JAZF1: variants seen among roughly 807,000 people sequenced by gnomAD.
The protein encoded by JAZF1 is juxtaposed with another zinc finger protein 1.
Under a neutral mutation model 26.4 loss-of-function variants are expected in JAZF1, and 8 were observed. That is an observed-to-expected ratio of 0.30 (90% CI 0.18 to 0.55). JAZF1 has a LOEUF of 0.55. JAZF1 is among the 20% of genes least tolerant of loss of function. The probability of loss-of-function intolerance (pLI) is 0.94; values close to 1 mark genes in which losing one functional copy is unlikely to be tolerated. For missense variants in JAZF1, 199 were observed against 322.0 expected (o/e 0.62, Z 2.92); for synonymous variants, 126 against 122.3 (o/e 1.03, Z -0.20).
chr7:27,894,866 C>A (rs1460504513), intron 3 of JAZF1, among the ~76,000 whole-genome samples: 1 of 152,226 alleles, frequency 6.6e-6, no homozygotes, highest in Admixed American at 6.5e-5. Flanking sequence ...ATTATTTTAA[C>A]TGTTTTACAA....
chr7:27,868,359 C>T lies in JAZF1; in HGVS notation c.385+26861G>A, dbSNP rs144609333. On this transcript the variant is annotated intron_variant, in intron 3 of 4. Coordinates refer to ENST00000283928, the MANE Select transcript of JAZF1 (RefSeq NM_175061.4). ...GCCTGCTCCTGCAGATGCCGTTCCC[C>T]GGTCCTCACCGCAACTCCCTGTGGG... 3.2e-4 allele frequency among the ~76,000 whole-genome samples: 48 copies of T among 152,314 alleles called. 1 individual carries two copies. In the East Asian group the frequency reaches 7.5e-3, roughly 24 times the overall value.
intron 3 of JAZF1, among the ~76,000 whole-genome samples, chr7:27,887,142 G>A (rs113153762): frequency 0.016 from 2,453 of 152,162 alleles, 32 homozygotes; most frequent in Non-Finnish European, 0.027. Context: ...AGGGTGGGAG[G>A]AGGGAGAGGA....
At chr7:28,047,787 C>T (rs1309692473) in intron 1 of JAZF1, among the ~76,000 whole-genome samples, 2 of 152,128 alleles carry the variant, frequency 1.3e-5, no homozygotes, top group African/African-American at 4.8e-5. Flanking sequence ...ATTGGACTAT[C>T]CTTGCTTTCC....
At chr7:28,109,426 T>C (rs889220796) in intron 1 of JAZF1, among the ~76,000 whole-genome samples, 36 of 152,366 alleles carry the variant, frequency 2.4e-4, no homozygotes, top group African/African-American at 8.7e-4. Context: ...CCTATCCTCT[T>C]CCTTATTCAG....
chr7:27,986,865 C>T (rs1188551421), intron 2 of JAZF1, among the ~76,000 whole-genome samples: 3 of 152,158 alleles, frequency 2.0e-5, no homozygotes, highest in Non-Finnish European at 2.9e-5. Context: ...CCGTGTTGGC[C>T]GGGCTGGTCT....
In JAZF1 at chr7:27,846,450, C is replaced by G. The variant is rs975788851; in HGVS notation, c.386-5583G>C. 2.2e-4 allele frequency: 101 copies of G among 469,406 alleles called. 1 individual carries two copies. The Admixed American group carries it at 2.4e-3, about 11-fold the overall frequency. 29.1% of individuals were successfully genotyped at this position (469,406 alleles called of 1,614,324 possible). A position where few individuals can be genotyped will look rare whatever the true frequency, so the allele number is the denominator to read the frequency against. ...ACACACAGATTCTTGGTGCATTCAT[C>G]CACCGATGGACAAGTTGGTTGTTTC... On this transcript the variant is annotated intron_variant, in intron 3 of 4. Coordinates refer to ENST00000283928, the MANE Select transcript of JAZF1 (RefSeq NM_175061.4).
chr7:27,844,488 C>T (rs996758066), intron 3 of JAZF1: 1 of 152,216 alleles, frequency 6.6e-6, no homozygotes, highest in East Asian at 1.9e-4. Context: ...GGTAGCAAAG[C>T]TGCTTCTCCT....
rs187433156 is a variant in JAZF1 at position 28,035,307 on chromosome 7, C to T, written c.116-43326G>A. Among the ~76,000 whole-genome samples the T allele has an allele frequency of 5.9e-3, 236 of 39,900 alleles. 1 individual carries two copies. Among genetic ancestry groups the T allele is most frequent in the Non-Finnish European group, 8.4e-3 (146 of 17,328 alleles). 26.2% of individuals were successfully genotyped at this position (39,900 alleles called of 152,430 possible). On this transcript the variant is annotated intron_variant, in intron 1 of 4. Transcript: ENST00000283928. ...CCAGCCTGGGCGACAAAGTGAGACT[C>T]CATCTCAAAAAAAAAAAAAAAAAAA...
At chr7:28,077,442 T>C (rs1784069522) in intron 1 of JAZF1, among the ~76,000 whole-genome samples, 1 of 152,148 alleles carries the variant, frequency 6.6e-6, no homozygotes, top group East Asian at 1.9e-4. Flanking sequence ...ATACCGACTC[T>C]GGTTTTAGAT....
At chr7:28,022,478 G>A (rs945481122) in intron 1 of JAZF1, among the ~76,000 whole-genome samples, 33 of 152,300 alleles carry the variant, frequency 2.2e-4, no homozygotes, top group Admixed American at 7.8e-4. Flanking sequence ...TCTGACACTA[G>A]GGGAAGAAAA....
intron 2 of JAZF1, among the ~76,000 whole-genome samples, chr7:27,919,947 T>C (rs1388734801): frequency 6.6e-6 from 1 of 152,166 alleles, no homozygotes; most frequent in Non-Finnish European, 1.5e-5. Flanking sequence ...TATTACTGCT[T>C]GCACCTTGGA....
chr7:27,964,127 T>C (rs575547214), intron 2 of JAZF1, among the ~76,000 whole-genome samples: 12 of 152,288 alleles, frequency 7.9e-5, no homozygotes, highest in Middle Eastern at 6.8e-3. Context: ...AATATTATCA[T>C]CCAAAACACA....
chr7:27,865,669 G>A (rs148842616), intron 3 of JAZF1, among the ~76,000 whole-genome samples: 1 of 152,240 alleles, frequency 6.6e-6, no homozygotes, highest in Non-Finnish European at 1.5e-5. Context: ...TTAGCTAGGA[G>A]TACAGTGAGT....
intron 2 of JAZF1, among the ~76,000 whole-genome samples, chr7:27,974,332 G>T (rs935693258): frequency 6.6e-6 from 1 of 152,156 alleles, no homozygotes; most frequent in Non-Finnish European, 1.5e-5. Flanking sequence ...AGAGGCCACC[G>T]CTTTTATGGC....
At chr7:28,013,489 C>T (rs894730185) in intron 1 of JAZF1, among the ~76,000 whole-genome samples, 1 of 152,046 alleles carries the variant, frequency 6.6e-6, no homozygotes, top group African/African-American at 2.4e-5. Flanking sequence ...GCAGGCATCC[C>T]CAGTGCTCCT....
At chr7:28,018,962 T>C (rs894571049) in intron 1 of JAZF1, among the ~76,000 whole-genome samples, 4 of 152,218 alleles carry the variant, frequency 2.6e-5, no homozygotes, top group Non-Finnish European at 5.9e-5. Flanking sequence ...GCAGAGATCC[T>C]GAGAGTCCTG....
intron 1 of JAZF1, among the ~76,000 whole-genome samples, chr7:28,004,204 G>C (rs1451822384): frequency 6.6e-6 from 1 of 152,152 alleles, no homozygotes; most frequent in Non-Finnish European, 1.5e-5. Flanking sequence ...ACCAGAAAGG[G>C]GGGGTACCTG....
intron 1 of JAZF1, among the ~76,000 whole-genome samples, chr7:28,118,548 T>G (rs762673642): frequency 6.6e-6 from 1 of 152,180 alleles, no homozygotes; most frequent in Non-Finnish European, 1.5e-5. Context: ...CGTTCCCAAT[T>G]ATTTCTATTT....
chr7:27,901,496 C>A (rs1165839471), intron 2 of JAZF1, among the ~76,000 whole-genome samples: 1 of 152,180 alleles, frequency 6.6e-6, no homozygotes, highest in Non-Finnish European at 1.5e-5. Context: ...GACTCCATTG[C>A]CACCTCACTC....
Sources: gnomAD v4.1 joint callset for allele counts (sites outside exome capture counted in the v4.1 genomes callset) on GRCh38, gnomAD v4.1.1 for gene constraint, MANE v1.5 for transcripts, NCBI Gene and HGNC (gene_info 2026-07-23, HGNC 2026-07-21) for gene names.